The following TMEM132D variants were observed in gnomAD, a reference collection of about 807,000 sequenced individuals.
TMEM132D encodes the protein mature OL transmembrane protein.
Under a neutral mutation model 62.3 loss-of-function variants are expected in TMEM132D, and 21 were observed. That is an observed-to-expected ratio of 0.34 (90% CI 0.24 to 0.49). TMEM132D has a LOEUF of 0.49. Ranked by LOEUF, TMEM132D falls within the 20% of genes least tolerant of loss-of-function variation. The pLI is 0.99. For missense variants in TMEM132D, 1,346 were observed against 1,402.8 expected (o/e 0.96, Z 0.65); for synonymous variants, 621 against 575.6 (o/e 1.08, Z -1.13).
intron 4 of TMEM132D, among the ~76,000 whole-genome samples, chr12:129,266,492 CT>C (rs1240163853): frequency 6.6e-6 from 1 of 151,090 alleles, no homozygotes; most frequent in Non-Finnish European, 1.5e-5. Context: ...TCTCTCCCCT[CT>C]TTTTTCCTTT....
chr12:129,502,389 C>G (rs182529128), intron 3 of TMEM132D, among the ~76,000 whole-genome samples: 27 of 152,274 alleles, frequency 1.8e-4, no homozygotes, highest in Middle Eastern at 3.4e-3. Flanking sequence ...ATTAGGCATG[C>G]TAATTACTTA....
Position 129,903,245 on chromosome 12 carries a change from G to C in TMEM132D, c.79+16C>G, listed in dbSNP as rs761811203. 1.3e-6 allele frequency: 2 copies of C among 1,551,636 alleles called. No homozygotes were observed. Among genetic ancestry groups the C allele is most frequent in the South Asian group, 2.4e-5 (2 of 84,064 alleles). On this transcript the variant is annotated intron_variant, in intron 1 of 8. Coordinates refer to ENST00000422113, the MANE Select transcript of TMEM132D (RefSeq NM_133448.3). The surrounding 1 kb of genome is among the most constrained non-coding windows in gnomAD (Gnocchi z 6.2). ...CGAAGTTAGTCCCCGGGCCCTGGCG[G>C]CCGCGGCGTCCTCACCTTTGGAAAA... is the stretch of plus-strand genomic sequence containing the variant.
intron 2 of TMEM132D, among the ~76,000 whole-genome samples, chr12:129,657,859 C>T (rs1457969665): frequency 6.6e-6 from 1 of 152,224 alleles, no homozygotes; most frequent in Non-Finnish European, 1.5e-5. Flanking sequence ...GAAAAGGAGG[C>T]TGGTACCTGC....
intron 1 of TMEM132D, 58 bp from the exon 2 acceptor site, chr12:129,700,756 T>G (rs1881368039): frequency 1.3e-6 from 2 of 1,520,398 alleles, no homozygotes; most frequent in Admixed American, 2.1e-5. Flanking sequence ...GTTACCAGCA[T>G]TTCAGACATC....
chr12:129,518,331 C>A (rs911472149), intron 3 of TMEM132D, among the ~76,000 whole-genome samples: 2 of 152,096 alleles, frequency 1.3e-5, no homozygotes, highest in Non-Finnish European at 2.9e-5. Flanking sequence ...TGAGAACACA[C>A]ATTTTGTTTC....
intron 5 of TMEM132D, among the ~76,000 whole-genome samples, chr12:129,129,817 A>G (rs1463410684): frequency 6.6e-6 from 1 of 152,114 alleles, no homozygotes; most frequent in Non-Finnish European, 1.5e-5. Context: ...TCATGAATGC[A>G]ACTCTAAAGT....
chr12:129,556,242 T>A (rs2137109735), intron 2 of TMEM132D, among the ~76,000 whole-genome samples: 1 of 152,250 alleles, frequency 6.6e-6, no homozygotes, highest in African/African-American at 2.4e-5. Flanking sequence ...CCGCTGCTCG[T>A]CTCACCCAGC....
Position 129,623,674 on chromosome 12 carries a change from C to CACATATATATACATATAT in TMEM132D, c.968+76118_968+76135dup, listed in dbSNP as rs1421309047. On this transcript the variant is annotated intron_variant, in intron 2 of 8. Coordinates refer to ENST00000422113, the MANE Select transcript of TMEM132D (RefSeq NM_133448.3). The stretch of plus-strand genomic sequence containing the variant: ...GTGTATATATATATACATATATATA[C>CACATATATATACATATAT]ACATATATATACATATATACATATA... 3.7e-5 allele frequency among the ~76,000 whole-genome samples: 4 copies of CACATATATATACATATAT among 108,058 alleles called. No homozygotes were observed. In the South Asian group the frequency reaches 1.1e-3, roughly 30 times the overall value. 70.9% of individuals were successfully genotyped at this position (108,058 alleles called of 152,430 possible).
chr12:129,763,451 A>C (rs1488504301), intron 1 of TMEM132D, among the ~76,000 whole-genome samples: 1 of 128,284 alleles, frequency 7.8e-6, no homozygotes, highest in Non-Finnish European at 1.7e-5. Context: ...TTTTTCTGAA[A>C]TAGTAAAATA....
At chr12:129,636,731 T>TGAGA (rs1879489753) in intron 2 of TMEM132D, among the ~76,000 whole-genome samples, 1 of 125,622 alleles carries the variant, frequency 8.0e-6, no homozygotes, top group African/African-American at 3.2e-5. Flanking sequence ...TGTGTGTGTG[T>TGAGA]GTGTGTGAGA....
intron 1 of TMEM132D, among the ~76,000 whole-genome samples, chr12:129,865,350 A>ATCTCC (rs1476452024): frequency 2.0e-5 from 3 of 152,258 alleles, no homozygotes; most frequent in Non-Finnish European, 4.4e-5. Flanking sequence ...AGCAGAAGGG[A>ATCTCC]GAATACCAGG....
chr12:129,483,720 C>A (rs1874495645), intron 3 of TMEM132D, among the ~76,000 whole-genome samples: 1 of 152,194 alleles, frequency 6.6e-6, no homozygotes. Flanking sequence ...CAACGCTCCC[C>A]TTCGTGGTGA....
intron 3 of TMEM132D, among the ~76,000 whole-genome samples, chr12:129,496,986 G>C (rs1383736785): frequency 2.6e-5 from 4 of 152,160 alleles, no homozygotes; most frequent in Non-Finnish European, 5.9e-5. Context: ...GGATGGGCTT[G>C]GGTTTTCCTT....
chr12:129,261,926 T>G (rs1880559644), intron 4 of TMEM132D, among the ~76,000 whole-genome samples: 1 of 152,160 alleles, frequency 6.6e-6, no homozygotes, highest in African/African-American at 2.4e-5. Context: ...TTTCAGCCCA[T>G]AACAGGATAC....
rs113703829 is a variant in TMEM132D, at chr12:129,370,862, C to T, written c.1116-33045G>A. On this transcript the variant is annotated intron_variant, in intron 3 of 8. Transcript: ENST00000422113. ...AAGGTAGAAAGTAGAATAATAGTCACATGGGGCTGGAAAGGGAAGATGGGA... is the reference window on the plus strand; with the variant it reads ...AAGGTAGAAAGTAGAATAATAGTCATATGGGGCTGGAAAGGGAAGATGGGA... 1.9e-3 allele frequency among the ~76,000 whole-genome samples: 282 copies of T among 152,170 alleles called. 2 individuals carry two copies. Among genetic ancestry groups the T allele is most frequent in the African/African-American group, 6.2e-3 (256 of 41,520 alleles).
At chr12:129,365,917 T>G (rs965985688) in intron 3 of TMEM132D, among the ~76,000 whole-genome samples, 4 of 151,986 alleles carry the variant, frequency 2.6e-5, no homozygotes, top group African/African-American at 9.7e-5. Flanking sequence ...TCCTTCCCCC[T>G]GCAATGTCCA....
intron 2 of TMEM132D, among the ~76,000 whole-genome samples, chr12:129,584,463 C>G (rs11611768): frequency 2.6e-5 from 4 of 152,168 alleles, no homozygotes; most frequent in Non-Finnish European, 4.4e-5. Context: ...TTCCTTTGGC[C>G]TCATGGTGGG....
intron 3 of TMEM132D, among the ~76,000 whole-genome samples, chr12:129,362,712 C>T (rs954535622): frequency 3.9e-5 from 6 of 152,070 alleles, no homozygotes; most frequent in Non-Finnish European, 8.8e-5. Flanking sequence ...ATCTGGGATG[C>T]CTTAAACTCT....
intron 2 of TMEM132D, among the ~76,000 whole-genome samples, chr12:129,626,311 G>C (rs552924319): frequency 1.7e-4 from 26 of 152,250 alleles, no homozygotes; most frequent in Non-Finnish European, 3.4e-4. Flanking sequence ...CATAATCGAA[G>C]ACAGGATGTG....
Sources: allele counts gnomAD v4.1 joint callset (sites outside exome capture counted in the v4.1 genomes callset), GRCh38; gene constraint gnomAD v4.1.1; non-coding constraint Gnocchi (gnomAD v3.1); transcripts MANE v1.5; gene names NCBI Gene and HGNC (gene_info 2026-07-23, HGNC 2026-07-21).